DMXL1: variants seen among roughly 807,000 people sequenced by gnomAD.
DMXL1 encodes the protein Dmx like 1.
In DMXL1, 99 loss-of-function variants were observed where a neutral mutation model predicts 319.2. The observed-to-expected ratio is 0.31, with a 90% CI of 0.26 to 0.37. DMXL1 has a LOEUF of 0.37. Among genes scored for constraint, DMXL1 ranks in the 10% least tolerant of loss-of-function variants. The pLI, the probability that DMXL1 is intolerant of heterozygous loss-of-function variation, is 1.00. For synonymous variants in DMXL1, 1,385 were observed against 1,235.2 expected, an observed-to-expected ratio of 1.12 and a Z score of -2.54; for missense variants, 3,745 against 3,595.6, an observed-to-expected ratio of 1.04 and a Z score of -1.06.
chr5:119,244,474 A>G lies in DMXL1; in HGVS notation c.8820A>G (p.Gln2940=), dbSNP rs756319532. 3.0e-5 allele frequency: 49 copies of G among 1,614,202 alleles called. 1 individual carries two copies. The highest frequency in any genetic ancestry group is 5.0e-5 in the Admixed American group (3 of 60,024). ...ATGTATTTGACCTTTGTCAACGACA[A>G]CAGAGGCAGCTTTTCCAGAGCCATG... ...FTYVFDLCQR[Q]QRQLFQSHDS... The change falls in exon 43 of 44, where the codon CAA becomes CAG. Residue 2940 remains glutamine, a synonymous_variant. Transcript: ENST00000539542.
chr5:119,108,966 T>G (rs972982015), intron 4 of DMXL1, among the ~76,000 whole-genome samples: 1 of 152,038 alleles, frequency 6.6e-6, no homozygotes, highest in Non-Finnish European at 1.5e-5. Flanking sequence ...CATGCCCGGC[T>G]AATTTTGTAT....
chr5:119,081,990 C>T (rs1752281515), intron 1 of DMXL1, among the ~76,000 whole-genome samples: 1 of 125,798 alleles, frequency 7.9e-6, no homozygotes, highest in South Asian at 2.7e-4. Flanking sequence ...AGGAAGTTTT[C>T]TTAAGGTTAT....
At chr5:119,155,033 G>A (rs902910898) in intron 19 of DMXL1, among the ~76,000 whole-genome samples, 7 of 152,242 alleles carry the variant, frequency 4.6e-5, no homozygotes, top group African/African-American at 1.7e-4. Flanking sequence ...AATATTTGCA[G>A]CCTACTATTG....
At chr5:119,148,580 GCTGT>G (rs1379394147) in intron 17 of DMXL1, among the ~76,000 whole-genome samples, 155 bp from the exon 18 acceptor site, 4 of 151,876 alleles carry the variant, frequency 2.6e-5, no homozygotes, top group East Asian at 1.9e-4. Context: ...ATAAATATAG[GCTGT>G]CTATTATGCA....
rs759478565 is a variant in DMXL1 at position 119,233,418 on chromosome 5, G to T, written c.8417G>T (p.Gly2806Val). 2.5e-6 allele frequency: 4 copies of T among 1,612,596 alleles called. No homozygotes were observed. The highest frequency in any genetic ancestry group is 3.4e-6 in the Non-Finnish European group (4 of 1,178,922). ...CAACAAATAACCTGTTTTCGATCTG[G>T]TGGCAATTCAAGAGTTACAAGAATG... is the stretch of plus-strand genomic sequence containing the variant. ...HSQQITCFRSGGNSRVTRMRF... is the reference protein window; with the variant it reads ...HSQQITCFRSVGNSRVTRMRF... The change falls in exon 39 of 44, where the codon GGT becomes GTT. Residue 2806 changes from glycine to valine, a missense_variant. Around this residue, in one of 4 missense-constraint regions of DMXL1, gnomAD observed 262 missense variants for 320.5 expected, o/e 0.82. Coordinates refer to ENST00000539542, the MANE Select transcript of DMXL1 (RefSeq NM_001290321.3).
At chr5:119,214,227 A>G (rs1783287837) in intron 34 of DMXL1, among the ~76,000 whole-genome samples, 1 of 152,108 alleles carries the variant, frequency 6.6e-6, no homozygotes, top group Non-Finnish European at 1.5e-5. Flanking sequence ...CAGGCCTGAC[A>G]CTAGGATTCA....
intron 39 of DMXL1, 88 bp downstream of exon 39, chr5:119,233,555 C>A: frequency 1.9e-6 from 2 of 1,056,732 alleles, no homozygotes; most frequent in Non-Finnish European, 2.8e-6. Context: ...AAGAACAGCT[C>A]CGTGGGTAGT....
intron 38 of DMXL1, among the ~76,000 whole-genome samples, 199 bp from the exon 39 acceptor site, chr5:119,233,141 T>A (rs931374107): frequency 1.6e-4 from 25 of 152,166 alleles, no homozygotes; most frequent in African/African-American, 4.8e-4. Context: ...TATTTGAGGA[T>A]GTGTTCTTAG....
At chr5:119,115,501 G>A (rs1430188322) in intron 6 of DMXL1, among the ~76,000 whole-genome samples, 2 of 152,188 alleles carry the variant, frequency 1.3e-5, no homozygotes, top group South Asian at 2.1e-4. Flanking sequence ...TGCAAACTAA[G>A]AGTGTAAGTT....
chr5:119,123,198 C>A (rs1010901144), intron 9 of DMXL1, among the ~76,000 whole-genome samples: 1 of 151,820 alleles, frequency 6.6e-6, no homozygotes, highest in African/African-American at 2.4e-5. Context: ...AGGCACTCGG[C>A]AGGCTGAGGC....
intron 34 of DMXL1, among the ~76,000 whole-genome samples, chr5:119,208,139 T>A (rs1017783265): frequency 1.3e-5 from 2 of 152,126 alleles, no homozygotes; most frequent in African/African-American, 4.8e-5. Context: ...TAATTCAAAC[T>A]TTTAATCAGT....
intron 4 of DMXL1, among the ~76,000 whole-genome samples, chr5:119,105,569 G>A (rs1758148218): frequency 6.6e-6 from 1 of 152,104 alleles, no homozygotes. Context: ...AGCAATGAGA[G>A]TTGGGTAGAT....
intron 3 of DMXL1, among the ~76,000 whole-genome samples, chr5:119,102,397 G>C (rs984464965): frequency 6.6e-6 from 1 of 152,034 alleles, no homozygotes; most frequent in African/African-American, 2.4e-5. Context: ...TAACTTTCTT[G>C]CATTATTTAG....
At chr5:119,196,481 A>ATTT in intron 31 of DMXL1, 25 bp downstream of exon 31, 28 of 1,492,264 alleles carry the variant, frequency 1.9e-5, no homozygotes, top group Non-Finnish European at 2.4e-5. Flanking sequence ...AACATGAGCT[A>ATTT]ATGGTGCCAT....
chr5:119,150,375 T>C lies in DMXL1; in HGVS notation c.4548T>C (p.Ile1516=). 1 of 1,613,640 alleles carries C rather than the reference T, an allele frequency of 6.2e-7. No homozygotes were observed. Among genetic ancestry groups the C allele is most frequent in the Non-Finnish European group, 8.5e-7 (1 of 1,179,738 alleles). Residue 1516 remains isoleucine (I), a synonymous_variant, in exon 18 of 44, where the codon ATT becomes ATC. Transcript: ENST00000539542. ...CTTTGATGGCCTTAGCAGATACAATTGCAACTACAAGCACTGATATTGGAG... is the reference window on the plus strand; with the variant it reads ...CTTTGATGGCCTTAGCAGATACAATCGCAACTACAAGCACTGATATTGGAG... ...QMSLMALADT[I]ATTSTDIGES...
chr5:119,233,565 T>C, intron 39 of DMXL1, 98 bp downstream of exon 39: 1 of 906,272 alleles, frequency 1.1e-6, no homozygotes, highest in South Asian at 1.6e-5. Context: ...CCGTGGGTAG[T>C]AGTAAAGTAT....
rs536826603 is a variant in DMXL1, at chr5:119,208,378, C to A, written c.7926+1482C>A. ...ACACGCATGGGCCACCACATCCAGCCAATTTTTGTATTTTTAATAGAGACA... is the reference window on the plus strand; with the variant it reads ...ACACGCATGGGCCACCACATCCAGCAAATTTTTGTATTTTTAATAGAGACA... On this transcript the variant is annotated intron_variant, in intron 34 of 43. Coordinates refer to ENST00000539542, the MANE Select transcript of DMXL1 (RefSeq NM_001290321.3). Among the ~76,000 whole-genome samples the A allele has an allele frequency of 5.1e-4, 78 of 151,888 alleles. 1 individual carries two copies. In the South Asian group the frequency reaches 0.016, roughly 31 times the overall value.
At chr5:119,175,517 C>T (rs1277082323) in intron 26 of DMXL1, among the ~76,000 whole-genome samples, 180 bp downstream of exon 26, 2 of 152,062 alleles carry the variant, frequency 1.3e-5, no homozygotes, top group African/African-American at 2.4e-5. Flanking sequence ...GAATCTCAAA[C>T]CCTTATTCTG....
At chr5:119,180,119 T>C (rs1776525173) in intron 28 of DMXL1, among the ~76,000 whole-genome samples, 1 of 152,196 alleles carries the variant, frequency 6.6e-6, no homozygotes, top group Non-Finnish European at 1.5e-5. Context: ...CATTTTATTA[T>C]TGGTCTATTT....
Sources: gnomAD v4.1 joint callset for allele counts (sites outside exome capture counted in the v4.1 genomes callset) on GRCh38, gnomAD v4.1.1 for gene constraint, gnomAD v4.1.1 regional missense constraint, MANE v1.5 for transcripts, NCBI Gene and HGNC (gene_info 2026-07-23, HGNC 2026-07-21) for gene names.